The following COL17A1 variants were observed in gnomAD, a reference collection of about 807,000 sequenced individuals.
COL17A1 encodes the protein collagen type XVII alpha 1 chain.
A neutral mutation model predicts 218.4 loss-of-function variants in COL17A1; 181 were observed. The ratio of observed to expected loss-of-function variants is 0.83; its 90% CI spans 0.73 to 0.94. COL17A1 has a LOEUF of 0.94. COL17A1 is among the 40% of genes least tolerant of loss of function. The probability of loss-of-function intolerance (pLI) is 0.00; values close to 1 mark genes in which losing one functional copy is unlikely to be tolerated. For missense variants in COL17A1, 1,924 were observed against 1,945.9 expected, an observed-to-expected ratio of 0.99 and a Z score of 0.21; for synonymous variants, 721 against 731.0, an observed-to-expected ratio of 0.99 and a Z score of 0.22.
chr10:104,064,795 A>G (rs1192324878), intron 9 of COL17A1, among the ~76,000 whole-genome samples, 199 bp from the exon 10 acceptor site: 1 of 152,232 alleles, frequency 6.6e-6, no homozygotes, highest in African/African-American at 2.4e-5. Context: ...CTCTTGGATT[A>G]GAAATTTTTG....
Position 104,035,375 on chromosome 10 carries a change from T to G in COL17A1, c.3509-2A>C. 1 of 1,613,884 alleles carries G rather than the reference T, an allele frequency of 6.2e-7. No homozygotes were observed. The highest frequency in any genetic ancestry group is 8.5e-7 in the Non-Finnish European group (1 of 1,179,848). ...CAACGATGCCTCTGAATTCAGACCCTGAGACACCAAGGGAGGGCACGGAGT... is the reference window on the plus strand; with the variant it reads ...CAACGATGCCTCTGAATTCAGACCCGGAGACACCAAGGGAGGGCACGGAGT... On this transcript the variant is annotated splice_acceptor_variant, in intron 49 of 55. Coordinates refer to ENST00000648076, the MANE Select transcript of COL17A1 (RefSeq NM_000494.4). LOFTEE classifies it high-confidence loss of function.
rs1469707908 is a variant in COL17A1, at chr10:104,050,781, G to A, written c.2092+67C>T. ...TCTTCTTCCCCTCTTGCACTTGTCAGCCTGCATAGGCTGTGGGTCGTGTCC... is the reference window on the plus strand; with the variant it reads ...TCTTCTTCCCCTCTTGCACTTGTCAACCTGCATAGGCTGTGGGTCGTGTCC... On this transcript the variant is annotated intron_variant, in intron 26 of 55. Coordinates refer to ENST00000648076, the MANE Select transcript of COL17A1 (RefSeq NM_000494.4). The A allele has an allele frequency of 5.6e-6, 9 of 1,613,978 alleles. No homozygotes were observed. The African/African-American group carries it at 1.1e-4, about 19-fold the overall frequency.
Position 104,034,345 on chromosome 10 carries a change from A to G in COL17A1, c.3767-11T>C. The G allele has an allele frequency of 6.5e-7, 1 of 1,545,182 alleles. No homozygotes were observed. The highest frequency in any genetic ancestry group is 1.2e-5 in the South Asian group (1 of 84,602). On this transcript the variant is annotated splice_polypyrimidine_tract_variant and intron_variant, in intron 51 of 55. Transcript: ENST00000648076. ...TGCGCACATCAGGACCTGCAGGGTG[A>G]GAAGCTGCATGAGTGGGAGCTCAGA...
Position 104,035,385 on chromosome 10 carries a change from AG to A in COL17A1, c.3509-13del, listed in dbSNP as rs1294546185. ...TCTGAATTCAGACCCTGAGACACCA[AG>A]GGAGGGCACGGAGTCAGTCCTGGCC... On this transcript the variant is annotated splice_polypyrimidine_tract_variant and intron_variant, in intron 49 of 55. Transcript: ENST00000648076. 3.7e-6 allele frequency: 6 copies of A among 1,613,676 alleles called. No homozygotes were observed. The highest frequency in any genetic ancestry group is 1.7e-5 in the Admixed American group (1 of 60,006).
chr10:104,069,314 A>T (rs761744386), intron 9 of COL17A1, among the ~76,000 whole-genome samples: 16 of 152,186 alleles, frequency 1.1e-4, no homozygotes, highest in Admixed American at 6.5e-4. Flanking sequence ...AACAAATTAT[A>T]CCTAGATTTG....
intron 51 of COL17A1, 131 bp from the exon 52 acceptor site, chr10:104,034,465 C>T (rs2086254119): frequency 8.8e-6 from 13 of 1,474,814 alleles, no homozygotes; most frequent in South Asian, 6.4e-5. Context: ...TTCTTGTACC[C>T]GAGTGGGAGA....
chr10:104,059,081 A>G (rs1239631399), intron 15 of COL17A1, among the ~76,000 whole-genome samples: 2 of 152,234 alleles, frequency 1.3e-5, no homozygotes, highest in African/African-American at 2.4e-5. Flanking sequence ...AAATGTCAGG[A>G]ACTGCTAACT....
Position 104,032,901 on chromosome 10 carries a change from C to G in COL17A1, c.4357+5G>C, listed in dbSNP as rs1844707242. 3 of 1,614,204 alleles carry G rather than the reference C, an allele frequency of 1.9e-6. No homozygotes were observed. The highest frequency in any genetic ancestry group is 1.3e-5 in the African/African-American group (1 of 75,070). ...TCCAGGGACTGGCTCTCTGCCACCA[C>G]TTACCTTTGGGTCCTGGAGTGCCCA... On this transcript the variant is annotated splice_donor_5th_base_variant and intron_variant, in intron 54 of 55. Transcript: ENST00000648076.
chr10:104,036,985 G>T (rs763782317), intron 47 of COL17A1, 60 bp downstream of exon 47: 2 of 1,476,768 alleles, frequency 1.4e-6, no homozygotes, highest in Non-Finnish European at 1.9e-6. Flanking sequence ...TTTGCATGAC[G>T]AGTGAGGCCA....
At chr10:104,047,123 C>A (rs550404488) in intron 31 of COL17A1, among the ~76,000 whole-genome samples, 61 of 152,332 alleles carry the variant, frequency 4.0e-4, no homozygotes, top group African/African-American at 1.5e-3. Flanking sequence ...CCTGTCTGGG[C>A]ACCCGCCAAA....
rs1477087394 is a variant in COL17A1 at position 104,039,501 on chromosome 10, A to G, written c.2840T>C (p.Leu947Pro). Residue 947 changes from leucine to proline, a missense_variant, in exon 43 of 56, where the codon CTC becomes CCC. Physicochemically the swap from Leu to Pro is moderately conservative, Grantham distance 98. Coordinates refer to ENST00000648076, the MANE Select transcript of COL17A1 (RefSeq NM_000494.4). ...TGGGCCTGGTGGTCCCTGAAGGTTG[A>G]GTCCGAAAGAACTGGACCCTGGAAG... The part of the protein sequence containing the change: ...FSTSGSSSFG[L>P]NLQGPPGPPG... 1.9e-6 allele frequency: 3 copies of G among 1,613,878 alleles called. No homozygotes were observed. Among genetic ancestry groups the G allele is most frequent in the Non-Finnish European group, 2.5e-6 (3 of 1,179,972 alleles).
Position 104,032,299 on chromosome 10 carries a change from TAGA to T in COL17A1, c.4439-12_4439-10del, listed in dbSNP as rs1203854033. ...AGCATAGACTTGGTCACCTGAAAGT[TAGA>T]AGATCAGTAGGAAGTTAAAACATAT... On this transcript the variant is annotated splice_polypyrimidine_tract_variant and intron_variant, in intron 55 of 55. Coordinates refer to ENST00000648076, the MANE Select transcript of COL17A1 (RefSeq NM_000494.4). 2 of 1,613,350 alleles carry T rather than the reference TAGA, an allele frequency of 1.2e-6. No homozygotes were observed. The highest frequency in any genetic ancestry group is 1.7e-6 in the Non-Finnish European group (2 of 1,179,266).
chr10:104,067,974 G>C (rs1390042681), intron 9 of COL17A1, among the ~76,000 whole-genome samples: 1 of 151,802 alleles, frequency 6.6e-6, no homozygotes, highest in African/African-American at 2.4e-5. Flanking sequence ...AAGAGAGAGA[G>C]ACAGGGAAAG....
At chr10:104,034,367 C>CA in intron 51 of COL17A1, 33 bp from the exon 52 acceptor site, 6 of 1,535,270 alleles carry the variant, frequency 3.9e-6, no homozygotes, top group Non-Finnish European at 5.2e-6. Context: ...AGTGGGAGCT[C>CA]AGATCTCGGT....
At chr10:104,042,335 A>T in intron 36 of COL17A1, 85 bp downstream of exon 36, 1 of 1,428,406 alleles carries the variant, frequency 7.0e-7, no homozygotes, top group Non-Finnish European at 9.9e-7. Context: ...CACGTCATCT[A>T]GAACAGAGAG....
chr10:104,076,347 G>A lies in COL17A1; in HGVS notation c.285C>T (p.Gly95=), dbSNP rs1334232502. Residue 95 remains glycine (G), a synonymous_variant, in exon 5 of 56, where the codon GGC becomes GGT. Transcript: ENST00000648076. ...CGTGAGTTTTCCTTTCAAAGGTTGAGCCTGGGGAGTTGGGCAGAGTGGAGG... is the reference window on the plus strand; with the variant it reads ...CGTGAGTTTTCCTTTCAAAGGTTGAACCTGGGGAGTTGGGCAGAGTGGAGG... ...SPASTLPNSP[G]STFERKTHVT... 2 of 1,614,104 alleles carry A rather than the reference G, an allele frequency of 1.2e-6. No homozygotes were observed. Among genetic ancestry groups the A allele is most frequent in the East Asian group, 4.5e-5 (2 of 44,898 alleles).
intron 1 of COL17A1, among the ~76,000 whole-genome samples, chr10:104,084,172 A>G (rs1483152469): frequency 6.6e-6 from 1 of 152,190 alleles, no homozygotes; most frequent in Admixed American, 6.5e-5. Flanking sequence ...TGGTTTGTTT[A>G]CAGTTGTGTC....
chr10:104,041,240 G>A (rs1420593894), intron 38 of COL17A1, 63 bp downstream of exon 38: 4 of 1,602,514 alleles, frequency 2.5e-6, no homozygotes, highest in Non-Finnish European at 3.4e-6. Flanking sequence ...TGGGCTCAGG[G>A]TCCCATTGCT....
At chr10:104,062,069 C>G (rs145188132) in intron 12 of COL17A1, among the ~76,000 whole-genome samples, 189 bp downstream of exon 12, 1 of 152,204 alleles carries the variant, frequency 6.6e-6, no homozygotes, top group Non-Finnish European at 1.5e-5. Flanking sequence ...GTTGACAGGA[C>G]AGCCTTCCCT....
Sources: allele counts gnomAD v4.1 joint callset (sites outside exome capture counted in the v4.1 genomes callset), GRCh38; gene constraint gnomAD v4.1.1; transcripts MANE v1.5; gene names NCBI Gene and HGNC (gene_info 2026-07-23, HGNC 2026-07-21).